Variants in LNX1 observed in about 807,000 individuals in gnomAD.
LNX1 encodes the protein ligand of numb-protein X 1, also known as E3 ubiquitin-protein ligase LNX.
LNX1 carries 54 observed loss-of-function variants against 68.4 expected under a neutral mutation model. The observed-to-expected ratio is 0.79, with a 90% CI of 0.63 to 0.99. The LOEUF is 0.99. Ranked by LOEUF, LNX1 falls within the 50% of genes least tolerant of loss-of-function variation. The pLI is 0.00. For synonymous variants in LNX1, 336 were observed against 350.0 expected (o/e 0.96, Z 0.45); for missense variants, 906 against 926.4 (o/e 0.98, Z 0.29).
chr4:53,482,167 A>G (rs190479739), intron 6 of LNX1, among the ~76,000 whole-genome samples: 1 of 152,328 alleles, frequency 6.6e-6, no homozygotes, highest in Non-Finnish European at 1.5e-5. Flanking sequence ...TACCACACAC[A>G]AGCCATGCCC....
At chr4:53,481,947 A>T (rs1219785708) in intron 6 of LNX1, 93 bp from the exon 7 acceptor site, 2 of 1,373,328 alleles carry the variant, frequency 1.5e-6, no homozygotes, top group Non-Finnish European at 1.9e-6. Flanking sequence ...TGATTATACC[A>T]TTTTTTTATG....
At position 53,589,632 on chromosome 4, in the gene LNX1, G is replaced by A. The variant is rs762792338; in HGVS notation, c.-87+1756C>T. On this transcript the variant is annotated intron_variant, in intron 1 of 10. Transcript: ENST00000263925. ...GGGGATTATTATCTCCCATCTTACC[G>A]ATGAAGAAACTGAAAGTCAGAGAAG... Among the ~76,000 whole-genome samples the A allele has an allele frequency of 2.4e-4, 37 of 152,266 alleles. 2 individuals carry two copies. Among genetic ancestry groups the A allele is most frequent in the Admixed American group, 1.8e-3 (28 of 15,288 alleles).
At chr4:53,496,508 C>T in intron 5 of LNX1, 114 bp from the exon 6 acceptor site, 4 of 1,318,110 alleles carry the variant, frequency 3.0e-6, no homozygotes, top group African/African-American at 1.5e-5. Flanking sequence ...TCTGCTCTCC[C>T]ACCTCATCCT....
At chr4:53,469,367 G>A (rs1442932160) in intron 9 of LNX1, among the ~76,000 whole-genome samples, 5 of 151,856 alleles carry the variant, frequency 3.3e-5, no homozygotes, top group African/African-American at 9.7e-5. Flanking sequence ...TTATAGCACT[G>A]AATGCTCACA....
chr4:53,507,167 T>C (rs376252360), intron 4 of LNX1, 150 bp downstream of exon 4: 1 of 748,758 alleles, frequency 1.3e-6, no homozygotes. Flanking sequence ...GCTACATACG[T>C]GAGAAGTAGG....
intron 1 of LNX1, among the ~76,000 whole-genome samples, chr4:53,635,288 AC>A (rs1734430047): frequency 6.6e-6 from 1 of 152,196 alleles, no homozygotes; most frequent in Non-Finnish European, 1.5e-5. Context: ...GAAAGCACTG[AC>A]GTTGTTTGAA....
At chr4:53,577,541 C>T (rs540842981) in intron 1 of LNX1, among the ~76,000 whole-genome samples, 1 of 152,182 alleles carries the variant, frequency 6.6e-6, no homozygotes, top group South Asian at 2.1e-4. Flanking sequence ...AGGAGGAAAC[C>T]AAGGGGGAGC....
At chr4:53,624,897 C>T (rs1455615189) in intron 1 of LNX1, among the ~76,000 whole-genome samples, 1 of 152,186 alleles carries the variant, frequency 6.6e-6, no homozygotes, top group Non-Finnish European at 1.5e-5. Flanking sequence ...TACATGTAAG[C>T]ATCCTCATAC....
At chr4:53,488,174 C>T (rs35089837) in intron 6 of LNX1, among the ~76,000 whole-genome samples, 57,150 of 152,110 alleles carry the variant, frequency 0.38, 11,131 homozygotes, top group South Asian at 0.59. Flanking sequence ...TTCAGTACCC[C>T]CAATGACAGG....
chr4:53,651,329 G>A (rs118020895), intron 1 of LNX1, among the ~76,000 whole-genome samples: 1 of 152,208 alleles, frequency 6.6e-6, no homozygotes, highest in Non-Finnish European at 1.5e-5. Flanking sequence ...CATTCCTTGG[G>A]CACCGGACTT....
chr4:53,474,708 G>A (rs1238534925), intron 9 of LNX1, among the ~76,000 whole-genome samples: 3 of 152,250 alleles, frequency 2.0e-5, no homozygotes, highest in South Asian at 2.1e-4. Flanking sequence ...TGTCTATGCC[G>A]GGATATCATG....
chr4:53,581,686 G>A (rs1731849053), intron 1 of LNX1, among the ~76,000 whole-genome samples: 1 of 152,118 alleles, frequency 6.6e-6, no homozygotes, highest in Non-Finnish European at 1.5e-5. Context: ...AGAATAGCAT[G>A]GGAAAAACCC....
At chr4:53,461,633 TTCACA>T in intron 9 of LNX1, 40 bp from the exon 10 acceptor site, 1 of 1,519,164 alleles carries the variant, frequency 6.6e-7, no homozygotes, top group African/African-American at 1.4e-5. Flanking sequence ...ATATTTAAGT[TTCACA>T]GTTAAGGGAA....
At position 53,570,809 on chromosome 4, in the gene LNX1, C is replaced by T. The variant is rs1263689979; in HGVS notation, c.380+2814G>A. 7.9e-5 allele frequency among the ~76,000 whole-genome samples: 12 copies of T among 151,188 alleles called. No homozygotes were observed. In the East Asian group the frequency reaches 1.6e-3, roughly 20 times the overall value. On this transcript the variant is annotated intron_variant, in intron 2 of 10. Coordinates refer to ENST00000263925, the MANE Select transcript of LNX1 (RefSeq NM_001126328.3). Reference sequence around the variant, plus strand: ...TTGGGAGGCTGAGGCGGGCGGATCACGAGGTCAGGAGATCGAGACCATCCT... The same window carrying T: ...TTGGGAGGCTGAGGCGGGCGGATCATGAGGTCAGGAGATCGAGACCATCCT...
chr4:53,626,817 C>A (rs1734092151), intron 1 of LNX1, among the ~76,000 whole-genome samples: 1 of 152,134 alleles, frequency 6.6e-6, no homozygotes, highest in Admixed American at 6.5e-5. Flanking sequence ...AAACCAAATT[C>A]TTGAGTATTA....
At chr4:53,492,106 T>C (rs1297511366) in intron 6 of LNX1, among the ~76,000 whole-genome samples, 2 of 152,166 alleles carry the variant, frequency 1.3e-5, no homozygotes, top group Admixed American at 1.3e-4. Flanking sequence ...ATACTTTACT[T>C]TACTGTCTGG....
chr4:53,552,834 A>T (rs910419139), intron 2 of LNX1, among the ~76,000 whole-genome samples: 24 of 151,678 alleles, frequency 1.6e-4, no homozygotes, highest in African/African-American at 5.6e-4. Context: ...ATCTCAAAAA[A>T]AAAAAAAAAA....
At chr4:53,561,475 G>A (rs113193199) in intron 2 of LNX1, among the ~76,000 whole-genome samples, 1 of 151,920 alleles carries the variant, frequency 6.6e-6, no homozygotes, top group Non-Finnish European at 1.5e-5. Flanking sequence ...ATCCGCCCAC[G>A]TCATCCTCCC....
At chr4:53,648,003 T>C (rs900974249) in intron 1 of LNX1, among the ~76,000 whole-genome samples, 2 of 152,382 alleles carry the variant, frequency 1.3e-5, no homozygotes, top group African/African-American at 4.8e-5. Context: ...TTGTTATCCA[T>C]TCACTGGACA....
Sources: gnomAD v4.1 joint callset for allele counts (sites outside exome capture counted in the v4.1 genomes callset) on GRCh38, gnomAD v4.1.1 for gene constraint, MANE v1.5 for transcripts, NCBI Gene and HGNC (gene_info 2026-07-23, HGNC 2026-07-21) for gene names.